The following MAST4 variants were observed in gnomAD, a reference collection of about 807,000 sequenced individuals.
The protein encoded by MAST4 is microtubule associated serine/threonine kinase family member 4, also known as microtubule-associated serine/threonine-protein kinase 4.
Under a neutral mutation model 162.7 loss-of-function variants are expected in MAST4, and 89 were observed. The observed-to-expected ratio is 0.55, with a 90% CI of 0.46 to 0.65. The LOEUF is 0.65. MAST4 is among the 30% of genes least tolerant of loss of function. MAST4 has a pLI of 0.00. For missense variants in MAST4, 3,153 were observed against 3,374.0 expected (o/e 0.93, Z 1.62); for synonymous variants, 1,479 against 1,361.1 (o/e 1.09, Z -1.91).
intron 2 of MAST4, among the ~76,000 whole-genome samples, chr5:66,767,168 C>T (rs1393000697): frequency 3.6e-5 from 4 of 110,758 alleles, no homozygotes; most frequent in African/African-American, 1.6e-4. Flanking sequence ...ATGTAAAGTG[C>T]ACGTGTGTGT....
intron 7 of MAST4, among the ~76,000 whole-genome samples, chr5:67,099,501 T>A (rs984398430): frequency 3.3e-5 from 5 of 152,046 alleles, no homozygotes; most frequent in Non-Finnish European, 7.4e-5. Flanking sequence ...TAATGATTTT[T>A]AAAAAAAATG....
At chr5:67,134,838 C>G (rs544912207) in intron 18 of MAST4, 150 bp downstream of exon 18, 2 of 609,464 alleles carry the variant, frequency 3.3e-6, no homozygotes, top group Non-Finnish European at 5.4e-6. Context: ...AAGCATATAA[C>G]TGACATTCTT....
intron 1 of MAST4, among the ~76,000 whole-genome samples, chr5:66,703,367 A>C (rs905946471): frequency 2.6e-5 from 4 of 152,208 alleles, no homozygotes; most frequent in African/African-American, 9.7e-5. Flanking sequence ...TGACCATCTT[A>C]TATGTATGCA....
rs554635548 is a variant in MAST4 at position 67,134,552 on chromosome 5, A to G, written c.2256A>G (p.Pro752=). ...QVCGTPEYIA[P]EVILRQGYGK... ...GTGGCACACCTGAATACATTGCACC[A>G]GAAGTGATTCTGAGGCAGGGTTATG... Residue 752 remains proline, a synonymous_variant, in exon 18 of 29, where the codon CCA becomes CCG. Transcript: ENST00000403625. 41 of 1,613,664 alleles carry G rather than the reference A, an allele frequency of 2.5e-5. No individual in the cohort carries two copies. In the East Asian group the frequency reaches 7.4e-4, roughly 29 times the overall value.
rs114728147 is a variant in MAST4, at chr5:66,680,822, G to A, written c.364-78887G>A. Among the ~76,000 whole-genome samples the A allele has an allele frequency of 7.0e-3, 1,069 of 152,284 alleles. 14 individuals carry two copies. The highest frequency in any genetic ancestry group is 0.025 in the African/African-American group (1,026 of 41,540). On this transcript the variant is annotated intron_variant, in intron 1 of 28. Coordinates refer to ENST00000403625, the MANE Select transcript of MAST4 (RefSeq NM_001164664.2). ...GTTTTGATAAAAGTTCTTTTTATGG[G>A]CAAGATCTTTCAGGAGCCTCTTCCA...
intron 1 of MAST4, among the ~76,000 whole-genome samples, chr5:66,647,772 A>G (rs17210173): frequency 0.5 from 75,247 of 151,842 alleles, 19,102 homozygotes; most frequent in South Asian, 0.65. Flanking sequence ...TGCCACTGGC[A>G]GGCCATAAAT....
rs141449582 is a variant in MAST4, at chr5:66,947,419, G to A, written c.674+47437G>A. On this transcript the variant is annotated intron_variant, in intron 4 of 28. Coordinates refer to ENST00000403625, the MANE Select transcript of MAST4 (RefSeq NM_001164664.2). ...TCTCTCTTCTGCTTTTTCTTATAAAGCACATCAAGTTTCAAGTCTGAGCTT... is the reference window on the plus strand; with the variant it reads ...TCTCTCTTCTGCTTTTTCTTATAAAACACATCAAGTTTCAAGTCTGAGCTT... Among the ~76,000 whole-genome samples, 940 of 152,216 alleles carry A rather than the reference G, an allele frequency of 6.2e-3. 9 individuals are homozygous for A. Among genetic ancestry groups the A allele is most frequent in the Non-Finnish European group, 0.01 (697 of 68,008 alleles).
At chr5:66,682,770 G>A (rs2149486629) in intron 1 of MAST4, among the ~76,000 whole-genome samples, 1 of 152,278 alleles carries the variant, frequency 6.6e-6, no homozygotes, top group Admixed American at 6.5e-5. Flanking sequence ...AGAAAAAGAG[G>A]TCTTGCTGTG....
chr5:67,030,719 C>T (rs1007956659), intron 4 of MAST4, among the ~76,000 whole-genome samples: 1 of 152,108 alleles, frequency 6.6e-6, no homozygotes, highest in African/African-American at 2.4e-5. Flanking sequence ...AACACCTAAC[C>T]TCTTCTAAGT....
intron 5 of MAST4, among the ~76,000 whole-genome samples, chr5:67,074,428 A>G (rs994352759): frequency 1.3e-5 from 2 of 152,186 alleles, no homozygotes; most frequent in Non-Finnish European, 2.9e-5. Flanking sequence ...TTGAACTATT[A>G]TTTGCATTTT....
intron 1 of MAST4, chr5:66,662,835 T>G (rs1746995801): frequency 8.6e-6 from 1 of 116,652 alleles, no homozygotes; most frequent in Non-Finnish European, 1.8e-5. Context: ...AGTGAAGTCT[T>G]TGATAATTTT....
intron 4 of MAST4, among the ~76,000 whole-genome samples, chr5:66,955,387 G>A (rs1179515526): frequency 1.3e-5 from 2 of 152,018 alleles, no homozygotes; most frequent in Non-Finnish European, 2.9e-5. Flanking sequence ...CTTGGTATAT[G>A]TGAAGGGTAG....
Position 66,705,341 on chromosome 5 carries a change from A to G in MAST4, c.364-54368A>G, listed in dbSNP as rs1277692013. Among the ~76,000 whole-genome samples, 3 of 152,202 alleles carry G rather than the reference A, an allele frequency of 2.0e-5. No individual in the cohort carries two copies. In the East Asian group the frequency reaches 5.8e-4, roughly 29 times the overall value. On this transcript the variant is annotated intron_variant, in intron 1 of 28. Coordinates refer to ENST00000403625, the MANE Select transcript of MAST4 (RefSeq NM_001164664.2). ...CAGAAACCTCACTGTAATTAAATAC[A>G]TGTGCTGCTTCAGTTCTAGAAAACT...
Position 66,730,531 on chromosome 5 carries a change from A to AGG in MAST4, c.364-29178_364-29177insGG, listed in dbSNP as rs1258945888. Among the ~76,000 whole-genome samples the AGG allele has an allele frequency of 1.2e-4, 18 of 152,278 alleles. No individual in the cohort carries two copies. In the East Asian group the frequency reaches 3.5e-3, roughly 29 times the overall value. On this transcript the variant is annotated intron_variant, in intron 1 of 28. Transcript: ENST00000403625. ...GTTTGAAAATGTGATAGCTCATTAT[A>AGG]AGGGCATTTGACATAAGCATATTTG... is the stretch of plus-strand genomic sequence containing the variant.
chr5:66,843,092 T>G (rs560110130), intron 3 of MAST4, among the ~76,000 whole-genome samples: 1 of 152,300 alleles, frequency 6.6e-6, no homozygotes, highest in Non-Finnish European at 1.5e-5. Flanking sequence ...GTCTTTTAAA[T>G]CTACTCCATG....
intron 26 of MAST4, 103 bp from the exon 27 acceptor site, chr5:67,160,353 G>A (rs1773045480): frequency 8.2e-7 from 1 of 1,219,216 alleles, no homozygotes; most frequent in South Asian, 2.0e-5. Flanking sequence ...CCTTTTATAT[G>A]TATGTTCCTT....
At chr5:66,933,306 G>T (rs1392808723) in intron 4 of MAST4, among the ~76,000 whole-genome samples, 1 of 152,168 alleles carries the variant, frequency 6.6e-6, no homozygotes, top group Non-Finnish European at 1.5e-5. Context: ...GAGATCATGA[G>T]ATTTGGAATT....
chr5:67,056,761 A>G (rs1431562503), intron 5 of MAST4, among the ~76,000 whole-genome samples: 1 of 152,178 alleles, frequency 6.6e-6, no homozygotes, highest in Non-Finnish European at 1.5e-5. Context: ...CAGAGGCACG[A>G]TCTCAGCTAA....
intron 1 of MAST4, among the ~76,000 whole-genome samples, chr5:66,737,764 C>T (rs555247328): frequency 1.6e-4 from 25 of 152,300 alleles, no homozygotes; most frequent in African/African-American, 6.0e-4. Flanking sequence ...TCACTCCTTA[C>T]AGCATAATTT....
Sources: allele counts gnomAD v4.1 joint callset (sites outside exome capture counted in the v4.1 genomes callset), GRCh38; gene constraint gnomAD v4.1.1; transcripts MANE v1.5; gene names NCBI Gene and HGNC (gene_info 2026-07-23, HGNC 2026-07-21).